ZDHHC11: variants seen among roughly 807,000 people sequenced by gnomAD.
ZDHHC11 encodes the protein palmitoyltransferase ZDHHC11.
Under a neutral mutation model 51.3 loss-of-function variants are expected in ZDHHC11, and 44 were observed. The ratio of observed to expected loss-of-function variants is 0.86; its 90% CI spans 0.67 to 1.10. The LOEUF (loss-of-function observed/expected upper bound fraction) is 1.10, where lower values mean the gene tolerates loss of function less well. Among genes scored for constraint, ZDHHC11 ranks in the 50% least tolerant of loss-of-function variants. The pLI, the probability that ZDHHC11 is intolerant of heterozygous loss-of-function variation, is 0.00. For synonymous variants in ZDHHC11, 163 were observed against 222.0 expected, an observed-to-expected ratio of 0.73 and a Z score of 2.36; for missense variants, 400 against 537.7, an observed-to-expected ratio of 0.74 and a Z score of 2.53.
At chr5:836,793 A>G (rs414103) in intron 6 of ZDHHC11, among the ~76,000 whole-genome samples, 15 of 150,038 alleles carry the variant, frequency 1.0e-4, no homozygotes, top group South Asian at 2.1e-4. Flanking sequence ...AGGTACAGTG[A>G]CTCATGCTTG....
chr5:859,405 G>A (rs565785854), upstream of ZDHHC11, among the ~76,000 whole-genome samples: 12 of 152,190 alleles, frequency 7.9e-5, no homozygotes, highest in African/African-American at 2.6e-4. Flanking sequence ...AGCTGACTAG[G>A]ATTGCAACGC....
chr5:797,158 G>C (rs1470258222), intron 12 of ZDHHC11, among the ~76,000 whole-genome samples: 3 of 151,426 alleles, frequency 2.0e-5, no homozygotes, highest in African/African-American at 7.3e-5. Flanking sequence ...AGTGAGCCAA[G>C]ATTGGGCCAC....
At chr5:802,314 C>T (rs1738539428) in intron 11 of ZDHHC11, among the ~76,000 whole-genome samples, 1 of 151,128 alleles carries the variant, frequency 6.6e-6, no homozygotes, top group Non-Finnish European at 1.5e-5. Context: ...AGTGACAGGA[C>T]TCAGTAAGCA....
At chr5:804,858 T>G (rs7736977) in intron 11 of ZDHHC11, among the ~76,000 whole-genome samples, 33,022 of 150,334 alleles carry the variant, frequency 0.22, 5,276 homozygotes, top group African/African-American at 0.46. Flanking sequence ...AAATATTAAA[T>G]AAATTATTTA....
chr5:809,144 C>G (rs1256774380), intron 11 of ZDHHC11, among the ~76,000 whole-genome samples: 1 of 145,466 alleles, frequency 6.9e-6, no homozygotes, highest in African/African-American at 2.6e-5. Flanking sequence ...GAACCCAGCA[C>G]CTGGAAGCGA....
chr5:857,757 C>T (rs1050474620), intron 1 of ZDHHC11, among the ~76,000 whole-genome samples: 22 of 150,634 alleles, frequency 1.5e-4, no homozygotes, highest in Non-Finnish European at 3.0e-4. Context: ...TTTATGACAC[C>T]GTGGTCCCCC....
chr5:844,068 C>A (rs879582263), intron 3 of ZDHHC11, among the ~76,000 whole-genome samples: 1 of 151,474 alleles, frequency 6.6e-6, no homozygotes, highest in East Asian at 1.9e-4. Context: ...CATCTGGAGC[C>A]CGCAGGGTGG....
intron 10 of ZDHHC11, among the ~76,000 whole-genome samples, chr5:817,624 G>T (rs1431745857): frequency 6.6e-6 from 1 of 151,154 alleles, no homozygotes; most frequent in African/African-American, 2.4e-5. Context: ...TTCTAGGGAG[G>T]TTAAACTTTC....
intron 11 of ZDHHC11, among the ~76,000 whole-genome samples, chr5:803,264 G>C (rs1400444684): frequency 6.6e-6 from 1 of 151,316 alleles, no homozygotes; most frequent in African/African-American, 2.4e-5. Flanking sequence ...CCTTGGTTTT[G>C]ATCCACTTGG....
upstream of ZDHHC11, among the ~76,000 whole-genome samples, chr5:851,265 G>C (rs1222433260): frequency 6.6e-6 from 1 of 152,178 alleles, no homozygotes; most frequent in Non-Finnish European, 1.5e-5. Context: ...CGCGGGGCTG[G>C]GGTCTCCGCC....
intron 11 of ZDHHC11, among the ~76,000 whole-genome samples, chr5:812,356 C>G (rs2150313004): frequency 6.6e-6 from 1 of 152,158 alleles, no homozygotes; most frequent in South Asian, 2.1e-4. Flanking sequence ...ATTACTATCC[C>G]TAACGTGCAG....
chr5:813,132 T>G (rs1361312501), intron 11 of ZDHHC11, among the ~76,000 whole-genome samples: 1 of 143,846 alleles, frequency 7.0e-6, no homozygotes, highest in African/African-American at 2.7e-5. Context: ...AGCTCAGGAG[T>G]TCGAGACCAG....
chr5:822,522 G>T (rs564187789), intron 8 of ZDHHC11, among the ~76,000 whole-genome samples: 1 of 143,062 alleles, frequency 7.0e-6, no homozygotes, highest in East Asian at 2.1e-4. Flanking sequence ...CCTGGGAGTG[G>T]GAGTGCTGGC....
intron 10 of ZDHHC11, among the ~76,000 whole-genome samples, chr5:817,669 C>T (rs1740990685): frequency 6.6e-6 from 1 of 151,266 alleles, no homozygotes; most frequent in African/African-American, 2.4e-5. Flanking sequence ...GGATTGTGCA[C>T]TGCTTTCTAG....
At chr5:846,785 T>C (rs200119799) in intron 3 of ZDHHC11, among the ~76,000 whole-genome samples, 1,434 of 108,820 alleles carry the variant, frequency 0.013, 38 homozygotes, top group African/African-American at 0.057. Flanking sequence ...ACCTCTCGTC[T>C]ATGAGCCTCC....
intron 1 of ZDHHC11, among the ~76,000 whole-genome samples, chr5:858,138 G>A (rs1748528283): frequency 7.3e-6 from 1 of 137,522 alleles, no homozygotes; most frequent in Admixed American, 7.3e-5. Context: ...ATGACACCGT[G>A]GTCCCCCGGG....
chr5:824,819 C>T (rs1404783353), intron 8 of ZDHHC11, among the ~76,000 whole-genome samples: 14 of 151,420 alleles, frequency 9.2e-5, no homozygotes, highest in Admixed American at 5.3e-4. Flanking sequence ...TACCAATTTC[C>T]CTCCATCCTT....
chr5:822,974 C>G (rs1321907162), intron 8 of ZDHHC11, among the ~76,000 whole-genome samples: 1 of 149,830 alleles, frequency 6.7e-6, no homozygotes, highest in Admixed American at 6.7e-5. Context: ...TTCAATCTTT[C>G]ACCCATTTAA....
At chr5:829,358 G>A (rs1411047655) in intron 7 of ZDHHC11, among the ~76,000 whole-genome samples, 1 of 151,724 alleles carries the variant, frequency 6.6e-6, no homozygotes, top group Non-Finnish European at 1.5e-5. Context: ...ATCATTTAAG[G>A]CCAATATGAA....
Sources: allele counts gnomAD v4.1 joint callset (sites outside exome capture counted in the v4.1 genomes callset), GRCh38; gene constraint gnomAD v4.1.1; transcripts MANE v1.5; gene names NCBI Gene and HGNC (gene_info 2026-07-23, HGNC 2026-07-21).